The following SEMA3D variants were observed in gnomAD, a reference collection of about 807,000 sequenced individuals.
The protein encoded by SEMA3D is semaphorin-3D.
SEMA3D carries 84 observed loss-of-function variants against 100.1 expected under a neutral mutation model. The ratio of observed to expected loss-of-function variants is 0.84; its 90% CI spans 0.70 to 1.01. The LOEUF (loss-of-function observed/expected upper bound fraction) is 1.01. Ranked by LOEUF, SEMA3D falls within the 50% of genes least tolerant of loss-of-function variation. SEMA3D has a pLI of 0.00. For missense variants in SEMA3D, 875 were observed against 934.1 expected (o/e 0.94, Z 0.82); for synonymous variants, 312 against 320.7 (o/e 0.97, Z 0.29).
At chr7:85,171,229 T>C (rs971631409) in intron 1 of SEMA3D, among the ~76,000 whole-genome samples, 11 of 151,994 alleles carry the variant, frequency 7.2e-5, no homozygotes, top group Admixed American at 7.2e-4. Context: ...TAGGGCCTAC[T>C]GGAAAAGCAA....
Position 84,995,704 on chromosome 7 carries a change from A to C in SEMA3D, c.*3736T>G. On this transcript the variant is annotated 3_prime_UTR_variant, in exon 19 of 19. Transcript: ENST00000284136. ...CAAAATTGATTGCTAACCACTCACA[A>C]TACCAGAATTAAATTACATGATTAA... The C allele has an allele frequency of 6.6e-6, 1 of 152,048 alleles. No homozygotes were observed. The highest frequency in any genetic ancestry group is 2.4e-5 in the African/African-American group (1 of 41,442). 9.4% of individuals were successfully genotyped at this position (152,048 alleles called of 1,614,324 possible).
intron 12 of SEMA3D, chr7:85,028,272 C>G: frequency 1.4e-6 from 1 of 697,016 alleles, no homozygotes; most frequent in Admixed American, 2.0e-5. Context: ...TGCCAGCTTA[C>G]TTGAATGACT....
chr7:85,093,368 A>G (rs928551070), intron 4 of SEMA3D, among the ~76,000 whole-genome samples: 1 of 151,978 alleles, frequency 6.6e-6, no homozygotes, highest in African/African-American at 2.4e-5. Flanking sequence ...CTCCTAAAAA[A>G]GAGATATAAG....
intron 4 of SEMA3D, among the ~76,000 whole-genome samples, chr7:85,092,511 G>T (rs1357947449): frequency 6.6e-6 from 1 of 151,960 alleles, no homozygotes; most frequent in Non-Finnish European, 1.5e-5. Context: ...TGTTTCGGCT[G>T]CAGAGACTGA....
intron 2 of SEMA3D, among the ~76,000 whole-genome samples, chr7:85,123,386 T>G (rs1424302183): frequency 6.6e-6 from 1 of 152,188 alleles, no homozygotes; most frequent in Admixed American, 6.6e-5. Context: ...TAAGTAATTT[T>G]GTAATTAGTT....
intron 9 of SEMA3D, among the ~76,000 whole-genome samples, chr7:85,052,056 A>G (rs904975268): frequency 5.9e-5 from 9 of 151,964 alleles, no homozygotes; most frequent in African/African-American, 1.9e-4. Context: ...CCAGGCAAAC[A>G]ATAAAAGAGC....
At chr7:85,020,184 C>A in intron 14 of SEMA3D, 49 bp downstream of exon 14, 1 of 1,240,936 alleles carries the variant, frequency 8.1e-7, no homozygotes, top group Non-Finnish European at 1.2e-6. Flanking sequence ...ATAACAAGCG[C>A]TACTCAGTTT....
At chr7:85,019,572 A>G (rs1374653474) in intron 14 of SEMA3D, among the ~76,000 whole-genome samples, 1 of 151,834 alleles carries the variant, frequency 6.6e-6, no homozygotes. Context: ...TATAATAAAC[A>G]AAGCATATTT....
At chr7:85,154,975 T>C (rs960491657) in intron 1 of SEMA3D, among the ~76,000 whole-genome samples, 2 of 152,204 alleles carry the variant, frequency 1.3e-5, no homozygotes, top group African/African-American at 4.8e-5. Flanking sequence ...TGTGTCATGT[T>C]ATTACTGTCA....
At chr7:85,144,636 G>A in intron 2 of SEMA3D, 1 of 984,790 alleles carries the variant, frequency 1.0e-6, no homozygotes, top group Non-Finnish European at 1.2e-6. Context: ...TTTTCCTTTG[G>A]GAACTGGCCT....
rs1789412374 is a variant in SEMA3D at position 85,121,524 on chromosome 7, T to A, written c.151+217A>T. ...CACTTGCAGATCAAATTGAATATTA[T>A]AAATACTGGGCTGAAAAGGGTACTT... On this transcript the variant is annotated intron_variant, in intron 3 of 18. Coordinates refer to ENST00000284136, the MANE Select transcript of SEMA3D (RefSeq NM_001384900.1). Among the ~76,000 whole-genome samples, 4 of 152,328 alleles carry A rather than the reference T, an allele frequency of 2.6e-5. No individual in the cohort carries two copies. In the South Asian group the frequency reaches 8.3e-4, roughly 32 times the overall value.
At chr7:85,220,066 G>T in the SEMA3D span, among the ~76,000 whole-genome samples, 1 of 151,952 alleles carries the variant, frequency 6.6e-6, no homozygotes, top group East Asian at 1.9e-4. Flanking sequence ...ATGTTTGTTT[G>T]CTCCTAACTG....
At chr7:85,150,451 T>TATACACAC (rs1217174080) in intron 2 of SEMA3D, among the ~76,000 whole-genome samples, 2 of 142,642 alleles carry the variant, frequency 1.4e-5, no homozygotes, top group Admixed American at 7.2e-5. Context: ...GATATATATA[T>TATACACAC]ACACACACAC....
At chr7:85,049,900 C>T (rs970435755) in intron 9 of SEMA3D, among the ~76,000 whole-genome samples, 1 of 151,864 alleles carries the variant, frequency 6.6e-6, no homozygotes, top group South Asian at 2.1e-4. Flanking sequence ...ACTGGCATAA[C>T]CTACAGCTGG....
chr7:85,234,368 T>C, the SEMA3D span, among the ~76,000 whole-genome samples: 23 of 152,212 alleles, frequency 1.5e-4, no homozygotes. Flanking sequence ...TGAGAGAAAC[T>C]AAAGTAGTTT....
At chr7:85,038,051 TG>T (rs1241046466) in intron 11 of SEMA3D, among the ~76,000 whole-genome samples, 20 of 2,424 alleles carry the variant, frequency 8.3e-3, no homozygotes, top group Non-Finnish European at 0.014. Flanking sequence ...TGTTGTGGGG[TG>T]GGGGGGAGGG....
At chr7:85,118,046 A>T (rs1488302071) in intron 3 of SEMA3D, among the ~76,000 whole-genome samples, 1 of 152,040 alleles carries the variant, frequency 6.6e-6, no homozygotes, top group Non-Finnish European at 1.5e-5. Context: ...TTATAAATTG[A>T]CATGTAAAAA....
chr7:85,082,840 A>G (rs1788104609), intron 4 of SEMA3D, among the ~76,000 whole-genome samples: 2 of 152,206 alleles, frequency 1.3e-5, no homozygotes, highest in Non-Finnish European at 2.9e-5. Flanking sequence ...AACATTCACA[A>G]ATTACAATCC....
chr7:85,043,174 A>G (rs779969243), intron 9 of SEMA3D, among the ~76,000 whole-genome samples: 54 of 152,116 alleles, frequency 3.5e-4, no homozygotes, highest in Non-Finnish European at 4.3e-4. Flanking sequence ...TATGGTCAAC[A>G]TAGTGGGATC....
Sources: gnomAD v4.1 joint callset for allele counts (sites outside exome capture counted in the v4.1 genomes callset) on GRCh38, gnomAD v4.1.1 for gene constraint, MANE v1.5 for transcripts, NCBI Gene and HGNC (gene_info 2026-07-23, HGNC 2026-07-21) for gene names.